GABPA: variants seen among roughly 807,000 people sequenced by gnomAD.
GABPA encodes GA-binding protein alpha chain.
GABPA carries 4 observed loss-of-function variants against 59.4 expected under a neutral mutation model. The ratio of observed to expected loss-of-function variants is 0.07; its 90% CI spans 0.03 to 0.15. The LOEUF (loss-of-function observed/expected upper bound fraction) is 0.15. Among genes scored for constraint, GABPA ranks in the 10% least tolerant of loss-of-function variants. The pLI is 1.00. For missense variants in GABPA, 251 were observed against 543.8 expected (o/e 0.46, Z 5.36); for synonymous variants, 164 against 183.1 (o/e 0.90, Z 0.84).
At chr21:25,764,372 T>C in intron 8 of GABPA, 22 bp downstream of exon 8, 1 of 1,573,498 alleles carries the variant, frequency 6.4e-7, no homozygotes, top group South Asian at 1.2e-5. Flanking sequence ...TTTTCTTGTA[T>C]TTATAAAATA....
chr21:25,754,256 T>C (rs1266182169), intron 5 of GABPA, among the ~76,000 whole-genome samples: 2 of 151,150 alleles, frequency 1.3e-5, no homozygotes, highest in Non-Finnish European at 2.9e-5. Context: ...ATGTAACTAT[T>C]AGAAAATTTA....
At chr21:25,744,930 C>T (rs1467823373) in intron 2 of GABPA, among the ~76,000 whole-genome samples, 1 of 151,898 alleles carries the variant, frequency 6.6e-6, no homozygotes, top group Admixed American at 6.6e-5. Flanking sequence ...AATGTATGTG[C>T]AATGTTTATA....
At chr21:25,768,798 G>A (rs184598009) in intron 9 of GABPA, among the ~76,000 whole-genome samples, 2 of 152,170 alleles carry the variant, frequency 1.3e-5, no homozygotes. Context: ...ATAGAGTTTT[G>A]GAGTAGTGAG....
At chr21:25,750,130 C>G (rs151104288) in intron 4 of GABPA, among the ~76,000 whole-genome samples, 1 of 152,302 alleles carries the variant, frequency 6.6e-6, no homozygotes, top group African/African-American at 2.4e-5. Context: ...GCATTAAATT[C>G]TCATAAGGAA....
intron 1 of GABPA, among the ~76,000 whole-genome samples, chr21:25,737,365 A>C (rs999580718): frequency 6.6e-6 from 1 of 152,240 alleles, no homozygotes; most frequent in Non-Finnish European, 1.5e-5. Context: ...CTATTTCTCA[A>C]ATCTCTGTTT....
chr21:25,752,261 G>T (rs775352473), intron 5 of GABPA, 27 bp downstream of exon 5: 2 of 1,605,132 alleles, frequency 1.2e-6, no homozygotes, highest in East Asian at 2.2e-5. Flanking sequence ...TTCTATATTG[G>T]GTAGAATAAT....
chr21:25,757,965 G>A, intron 5 of GABPA, 45 bp from the exon 6 acceptor site: 1 of 1,193,394 alleles, frequency 8.4e-7, no homozygotes, highest in African/African-American at 1.6e-5. Context: ...AATTTACACA[G>A]TATCTAAAAT....
chr21:25,745,047 T>C (rs2035327066), intron 2 of GABPA, among the ~76,000 whole-genome samples, 163 bp from the exon 3 acceptor site: 4 of 152,198 alleles, frequency 2.6e-5, no homozygotes, highest in Admixed American at 2.6e-4. Context: ...GTGTTCATTT[T>C]GGCAACACTA....
At chr21:25,753,803 T>C in intron 5 of GABPA, among the ~76,000 whole-genome samples, 1 of 152,206 alleles carries the variant, frequency 6.6e-6, no homozygotes, top group South Asian at 2.1e-4. Context: ...TGAAACAGTA[T>C]TGTCGGGTTT....
At chr21:25,766,623 C>T (rs2146103413) in intron 9 of GABPA, among the ~76,000 whole-genome samples, 1 of 151,860 alleles carries the variant, frequency 6.6e-6, no homozygotes, top group South Asian at 2.1e-4. Context: ...CAGAGTAATG[C>T]AATTGAAAAC....
In GABPA at chr21:25,771,321, T is replaced by C. The variant is rs1285169752; in HGVS notation, c.*2089T>C. On this transcript the variant is annotated 3_prime_UTR_variant, in exon 10 of 10. Transcript: ENST00000400075. Reference sequence around the variant, plus strand: ...GATCCCTAGAATGAAAATTTTTTTCTCATCTATGCAATTCCCATATGGTTT... The same window carrying C: ...GATCCCTAGAATGAAAATTTTTTTCCCATCTATGCAATTCCCATATGGTTT... 5.4e-5 allele frequency: 8 copies of C among 148,408 alleles called. No homozygotes were observed. The highest frequency in any genetic ancestry group is 9.0e-5 in the Non-Finnish European group (6 of 66,448). The allele number at this position is 148,408 out of a possible 1,614,324, so 9.2% of individuals were successfully genotyped here. A position where few individuals can be genotyped will look rare whatever the true frequency, so the allele number is the denominator to read the frequency against.
At chr21:25,765,937 T>G (rs1287779181) in intron 9 of GABPA, among the ~76,000 whole-genome samples, 3 of 151,940 alleles carry the variant, frequency 2.0e-5, no homozygotes, top group African/African-American at 4.8e-5. Flanking sequence ...AGAAGATAAT[T>G]GTAAAATTTA....
At chr21:25,753,413 A>G (rs1417458432) in intron 5 of GABPA, among the ~76,000 whole-genome samples, 1 of 152,224 alleles carries the variant, frequency 6.6e-6, no homozygotes, top group Non-Finnish European at 1.5e-5. Context: ...AATGGAAAAG[A>G]ACACACAACT....
chr21:25,748,990 C>A (rs1266531215), intron 3 of GABPA, 46 bp from the exon 4 acceptor site: 10 of 1,175,238 alleles, frequency 8.5e-6, no homozygotes, highest in Non-Finnish European at 1.3e-5. Context: ...GGGACTTAAT[C>A]TAATGATTGC....
At chr21:25,757,016 A>G (rs963893751) in intron 5 of GABPA, among the ~76,000 whole-genome samples, 1 of 152,198 alleles carries the variant, frequency 6.6e-6, no homozygotes, top group Admixed American at 6.5e-5. Flanking sequence ...TTCAGTTTCA[A>G]TAGCACTTTG....
At position 25,745,200 on chromosome 21, in the gene GABPA, T is replaced by C; in HGVS notation, c.78-10T>C. On this transcript the variant is annotated splice_polypyrimidine_tract_variant and intron_variant, in intron 2 of 9. Coordinates refer to ENST00000400075, the MANE Select transcript of GABPA (RefSeq NM_002040.4). The stretch of plus-strand genomic sequence containing the variant: ...ATGTAACTGTTAGCACTTACATCTT[T>C]AACATTTAGCATTGTAGAACAAACC... The C allele has an allele frequency of 6.2e-7, 1 of 1,611,680 alleles. No individual in the cohort carries two copies. The highest frequency in any genetic ancestry group is 8.5e-7 in the Non-Finnish European group (1 of 1,179,668).
At position 25,769,094 on chromosome 21, in the gene GABPA, C is replaced by T; in HGVS notation, c.1227C>T (p.Tyr409=). 3 of 1,613,342 alleles carry T rather than the reference C, an allele frequency of 1.9e-6. No homozygotes were observed. The highest frequency in any genetic ancestry group is 2.5e-6 in the Non-Finnish European group (3 of 1,179,388). Residue 409 remains tyrosine (Y), a synonymous_variant, in exon 10 of 10, where the codon TAC becomes TAT. Transcript: ENST00000400075. ...GTGACTTGAAGACTCTTATTGGATA[C>T]AGTGCAGCGGAGTTGAACCGTTTGG... ...FVCDLKTLIG[Y]SAAELNRLVT... is the part of the protein sequence containing the mutation.
intron 3 of GABPA, among the ~76,000 whole-genome samples, chr21:25,747,885 A>G (rs2035407980): frequency 6.6e-6 from 1 of 152,166 alleles, no homozygotes; most frequent in South Asian, 2.1e-4. Flanking sequence ...TATTTAATCT[A>G]TCTGTCTACA....
Position 25,758,922 on chromosome 21 carries a change from T to C in GABPA, c.748+718T>C, listed in dbSNP as rs559845312. Among the ~76,000 whole-genome samples the C allele has an allele frequency of 2.0e-5, 3 of 152,126 alleles. No individual in the cohort carries two copies. In the South Asian group the frequency reaches 6.2e-4, roughly 32 times the overall value. On this transcript the variant is annotated intron_variant, in intron 6 of 9. Coordinates refer to ENST00000400075, the MANE Select transcript of GABPA (RefSeq NM_002040.4). ...CCATCTCCACTAAAAATACAAAAAA[T>C]AGGCGGACAAGGTGGTGCGTGTCTG...
Sources: allele counts gnomAD v4.1 joint callset (sites outside exome capture counted in the v4.1 genomes callset), GRCh38; gene constraint gnomAD v4.1.1; transcripts MANE v1.5; gene names NCBI Gene and HGNC (gene_info 2026-07-23, HGNC 2026-07-21).